Variants in SMIM36 observed in about 807,000 individuals in gnomAD.
SMIM36 encodes the protein small integral membrane protein 36.
chr17:55,469,872 T>A (rs1909311400), intron 3 of SMIM36, among the ~76,000 whole-genome samples: 1 of 151,922 alleles, frequency 6.6e-6, no homozygotes, highest in Admixed American at 6.6e-5. Context: ...CAAGTCCCAG[T>A]TTGGAAGGAT....
At chr17:55,520,263 A>G in the SMIM36 span, among the ~76,000 whole-genome samples, 1 of 152,208 alleles carries the variant, frequency 6.6e-6, no homozygotes, top group Non-Finnish European at 1.5e-5. Flanking sequence ...AAAATCTAGT[A>G]GAATCTCTTC....
chr17:55,513,011 G>T (rs528789233), upstream of SMIM36, among the ~76,000 whole-genome samples: 6 of 152,270 alleles, frequency 3.9e-5, no homozygotes, highest in South Asian at 1.2e-3. Context: ...TATCGTCCAT[G>T]ATTCTATGGT....
At chr17:55,496,888 T>A (rs1427923527) in intron 1 of SMIM36, among the ~76,000 whole-genome samples, 1 of 152,152 alleles carries the variant, frequency 6.6e-6, no homozygotes, top group Non-Finnish European at 1.5e-5. Context: ...CCTTTCAACC[T>A]AAAGGTGTTT....
At chr17:55,459,506 C>T (rs78811077) in intron 4 of SMIM36, among the ~76,000 whole-genome samples, 2,561 of 152,230 alleles carry the variant, frequency 0.017, 69 homozygotes, top group African/African-American at 0.058. Flanking sequence ...GAAGTTGTCC[C>T]TGAATCTCAA....
chr17:55,508,435 T>TATATATATATATATATTCCTGGGA (rs1910120158), intron 1 of SMIM36, among the ~76,000 whole-genome samples: 1 of 18,726 alleles, frequency 5.3e-5, no homozygotes, highest in African/African-American at 1.7e-4. Context: ...CCTAGGAATA[T>TATATATATATATATATTCCTGGGA]ATATATATAT....
chr17:55,485,236 A>G (rs376318640), intron 1 of SMIM36, among the ~76,000 whole-genome samples: 1 of 152,160 alleles, frequency 6.6e-6, no homozygotes. Context: ...GTCTTAGTAT[A>G]TCTGAAAATA....
the SMIM36 span, among the ~76,000 whole-genome samples, chr17:55,524,296 A>T: frequency 6.6e-6 from 1 of 152,164 alleles, no homozygotes; most frequent in East Asian, 1.9e-4. Flanking sequence ...GTGTATATGC[A>T]CCACATTTTC....
intron 1 of SMIM36, among the ~76,000 whole-genome samples, chr17:55,496,058 G>A (rs1380508102): frequency 6.6e-6 from 1 of 151,876 alleles, no homozygotes; most frequent in Non-Finnish European, 1.5e-5. Flanking sequence ...CTCCCTCCCC[G>A]AGTGGCAAAC....
At chr17:55,505,812 T>C (rs1910071234) in intron 1 of SMIM36, among the ~76,000 whole-genome samples, 1 of 120,594 alleles carries the variant, frequency 8.3e-6, no homozygotes, top group African/African-American at 4.0e-5. Context: ...GACATGATTG[T>C]ATATCTAGAA....
At position 55,468,968 on chromosome 17, in the gene SMIM36, G is replaced by A. The variant is rs886353510; in HGVS notation, c.*348-1640C>T. ...GGGCAAATGGTCTGAGGTGCCTGACGTCCAGGCATTCTTTACACGTCAGTC... is the reference window on the plus strand; with the variant it reads ...GGGCAAATGGTCTGAGGTGCCTGACATCCAGGCATTCTTTACACGTCAGTC... On this transcript the variant is annotated intron_variant, in intron 3 of 4. Transcript: ENST00000636752. Among the ~76,000 whole-genome samples, 5 of 152,060 alleles carry A rather than the reference G, an allele frequency of 3.3e-5. No individual in the cohort carries two copies. In the East Asian group the frequency reaches 9.6e-4, roughly 29 times the overall value.
chr17:55,458,174 T>C (rs932666921), intron 4 of SMIM36: 2 of 152,202 alleles, frequency 1.3e-5, no homozygotes, highest in Non-Finnish European at 2.9e-5. Flanking sequence ...AGTTCAGCAG[T>C]AAAACCAAGA....
chr17:55,495,750 T>C (rs1260535906), intron 1 of SMIM36, among the ~76,000 whole-genome samples: 2 of 152,130 alleles, frequency 1.3e-5, no homozygotes, highest in South Asian at 2.1e-4. Context: ...ATTATGATTG[T>C]ACCACTGCTT....
chr17:55,481,437 C>A (rs1909519248), intron 1 of SMIM36, among the ~76,000 whole-genome samples: 1 of 152,066 alleles, frequency 6.6e-6, no homozygotes, highest in East Asian at 1.9e-4. Context: ...TTTGGAGTCA[C>A]TAAATTTAAG....
upstream of SMIM36, among the ~76,000 whole-genome samples, chr17:55,511,692 G>A (rs1218368170): frequency 6.6e-6 from 1 of 152,136 alleles, no homozygotes; most frequent in Non-Finnish European, 1.5e-5. Flanking sequence ...AGTAAGTGTT[G>A]TTAATAAGCA....
At chr17:55,463,507 G>A (rs1234183904) in intron 4 of SMIM36, among the ~76,000 whole-genome samples, 1 of 152,180 alleles carries the variant, frequency 6.6e-6, no homozygotes, top group African/African-American at 2.4e-5. Context: ...TTATGACTTT[G>A]CCACTGCATT....
chr17:55,495,294 C>A (rs151227830), intron 1 of SMIM36, among the ~76,000 whole-genome samples: 118 of 152,266 alleles, frequency 7.7e-4, no homozygotes, highest in African/African-American at 2.7e-3. Context: ...GTAAATCATT[C>A]ACAAACTTGG....
At chr17:55,481,310 C>T (rs1210751150) in intron 1 of SMIM36, among the ~76,000 whole-genome samples, 1 of 152,138 alleles carries the variant, frequency 6.6e-6, no homozygotes, top group Non-Finnish European at 1.5e-5. Context: ...AGCAAACAGA[C>T]AGAACAAAAG....
At chr17:55,531,225 C>T in the SMIM36 span, among the ~76,000 whole-genome samples, 13 of 152,158 alleles carry the variant, frequency 8.5e-5, no homozygotes, top group Non-Finnish European at 1.9e-4. Context: ...GCTGACCTCC[C>T]CACATGACCA....
Position 55,492,982 on chromosome 17 carries a change from A to G in SMIM36, c.*175-13402T>C, listed in dbSNP as rs564689033. Among the ~76,000 whole-genome samples, 3 of 152,360 alleles carry G rather than the reference A, an allele frequency of 2.0e-5. 1 individual carries two copies. The highest frequency in any genetic ancestry group is 7.2e-5 in the African/African-American group (3 of 41,586). On this transcript the variant is annotated intron_variant, in intron 1 of 4. Transcript: ENST00000636752. Reference sequence around the variant, plus strand: ...TGCAGAACAGACCTTGACTTGTAGAATCACCAACGCGGGGACAGTTACTTG... The same window carrying G: ...TGCAGAACAGACCTTGACTTGTAGAGTCACCAACGCGGGGACAGTTACTTG...
Sources: gnomAD v4.1 joint callset for allele counts (sites outside exome capture counted in the v4.1 genomes callset) on GRCh38, gnomAD v4.1.1 for gene constraint, MANE v1.5 for transcripts, NCBI Gene and HGNC (gene_info 2026-07-23, HGNC 2026-07-21) for gene names.